ARHGAP10: variants seen among roughly 807,000 people sequenced by gnomAD.
ARHGAP10 encodes the protein rho GTPase-activating protein 10.
In ARHGAP10, 87 loss-of-function variants were observed where a neutral mutation model predicts 108.6. The ratio of observed to expected loss-of-function variants is 0.80; its 90% CI spans 0.67 to 0.96. The LOEUF (loss-of-function observed/expected upper bound fraction) is 0.96, where lower values mean the gene tolerates loss of function less well. Ranked by LOEUF, ARHGAP10 falls within the 40% of genes least tolerant of loss-of-function variation. The probability of loss-of-function intolerance (pLI) is 0.00; values close to 1 mark genes in which losing one functional copy is unlikely to be tolerated. For synonymous variants in ARHGAP10, 347 were observed against 341.1 expected (o/e 1.02, Z -0.19); for missense variants, 939 against 954.5 (o/e 0.98, Z 0.21).
chr4:147,920,740 G>C (rs1236235602), intron 13 of ARHGAP10, among the ~76,000 whole-genome samples: 1 of 152,226 alleles, frequency 6.6e-6, no homozygotes, highest in African/African-American at 2.4e-5. Context: ...CCGATTAAGA[G>C]AATATGAGTG....
chr4:148,040,785 T>G (rs903768390), intron 19 of ARHGAP10, among the ~76,000 whole-genome samples: 3 of 151,112 alleles, frequency 2.0e-5, no homozygotes, highest in Admixed American at 2.0e-4. Flanking sequence ...ATCAGGGAAG[T>G]TATGTATTTT....
chr4:148,023,899 T>C (rs1278878357), intron 19 of ARHGAP10, among the ~76,000 whole-genome samples: 4 of 152,350 alleles, frequency 2.6e-5, no homozygotes, highest in Admixed American at 6.5e-5. Context: ...GGGTGGCAGG[T>C]TGACCTGCCT....
chr4:148,069,122 C>A (rs929003526), intron 22 of ARHGAP10, among the ~76,000 whole-genome samples: 4 of 152,082 alleles, frequency 2.6e-5, no homozygotes, highest in African/African-American at 9.7e-5. Flanking sequence ...AGGAGAGGAG[C>A]CCCAGATGGG....
chr4:147,849,236 C>CA (rs1215594069), intron 4 of ARHGAP10, among the ~76,000 whole-genome samples: 5 of 138,138 alleles, frequency 3.6e-5, no homozygotes, highest in Non-Finnish European at 7.9e-5. Context: ...AAAGACTCTG[C>CA]TTTTTTTTTT....
At chr4:147,946,824 A>C in intron 15 of ARHGAP10, 120 bp downstream of exon 15, 2 of 713,556 alleles carry the variant, frequency 2.8e-6, no homozygotes, top group Non-Finnish European at 4.1e-6. Context: ...AAAAAGGGAA[A>C]ATTTATCAGG....
chr4:147,884,916 C>T (rs115995981), intron 10 of ARHGAP10, among the ~76,000 whole-genome samples: 15 of 152,290 alleles, frequency 9.8e-5, no homozygotes, highest in Non-Finnish European at 2.2e-4. Flanking sequence ...TTTCTCAAAG[C>T]TCATTCTGGC....
At chr4:147,889,398 T>C (rs1197062350) in intron 10 of ARHGAP10, among the ~76,000 whole-genome samples, 3 of 152,124 alleles carry the variant, frequency 2.0e-5, no homozygotes, top group Non-Finnish European at 2.9e-5. Flanking sequence ...CTCCCAGGTT[T>C]GAGTGATTCT....
intron 19 of ARHGAP10, among the ~76,000 whole-genome samples, chr4:148,033,005 C>T (rs987885568): frequency 6.6e-6 from 1 of 152,172 alleles, no homozygotes; most frequent in African/African-American, 2.4e-5. Flanking sequence ...CACCCAGGAA[C>T]AATACTTTGC....
rs57534364 is a variant in ARHGAP10 at position 147,820,580 on chromosome 4, GTTTTTTTTTT to G, written c.155-2126_155-2117del. On this transcript the variant is annotated intron_variant, in intron 1 of 22. Coordinates refer to ENST00000336498, the MANE Select transcript of ARHGAP10 (RefSeq NM_024605.4). The stretch of plus-strand genomic sequence containing the variant: ...TTACAGGCGTGGGCTACCTCGGCCA[GTTTTTTTTTT>G]TTTTTTTTTTTTTTTTTTTTGAGAC... Among the ~76,000 whole-genome samples the G allele has an allele frequency of 1.8e-4, 9 of 49,042 alleles. No individual in the cohort carries two copies. In the East Asian group the frequency reaches 3.5e-3, roughly 19 times the overall value. 32.2% of individuals were successfully genotyped at this position (49,042 alleles called of 152,430 possible). A position where few individuals can be genotyped will look rare whatever the true frequency, so the allele number is the denominator to read the frequency against.
At chr4:147,871,684 T>C (rs1734829529) in intron 7 of ARHGAP10, among the ~76,000 whole-genome samples, 1 of 152,212 alleles carries the variant, frequency 6.6e-6, no homozygotes, top group South Asian at 2.1e-4. Context: ...GGTCTAACAT[T>C]ATTGTAATTA....
At chr4:147,989,742 A>G (rs1226221370) in intron 18 of ARHGAP10, among the ~76,000 whole-genome samples, 1 of 152,150 alleles carries the variant, frequency 6.6e-6, no homozygotes, top group South Asian at 2.1e-4. Flanking sequence ...TCAAACACAC[A>G]TGCTGTACAA....
Position 147,732,277 on chromosome 4 carries a change from G to A in ARHGAP10, c.-25G>A, listed in dbSNP as rs1728242984. On this transcript the variant is annotated 5_prime_UTR_variant, in exon 1 of 23. Transcript: ENST00000336498. Reference sequence around the variant, plus strand: ...CTCGGGCAGGAGCGCGCGGCCGTGCGCACCGCGCAGCGACCGCTGCCGTCA... The same window carrying A: ...CTCGGGCAGGAGCGCGCGGCCGTGCACACCGCGCAGCGACCGCTGCCGTCA... The A allele has an allele frequency of 1.9e-6, 3 of 1,571,290 alleles. No homozygotes were observed. The highest frequency in any genetic ancestry group is 2.4e-5 in the East Asian group (1 of 41,864).
chr4:147,763,251 T>A (rs1729659926), intron 1 of ARHGAP10, among the ~76,000 whole-genome samples: 1 of 152,206 alleles, frequency 6.6e-6, no homozygotes, highest in Non-Finnish European at 1.5e-5. Flanking sequence ...TTATCTGAGA[T>A]GTACTAAAAC....
At chr4:148,067,482 T>C (rs2149693633) in intron 22 of ARHGAP10, among the ~76,000 whole-genome samples, 1 of 152,200 alleles carries the variant, frequency 6.6e-6, no homozygotes. Context: ...CCAGGCAGTG[T>C]TCCAAGTGGC....
At chr4:147,942,507 T>C (rs1188350716) in intron 14 of ARHGAP10, among the ~76,000 whole-genome samples, 2 of 152,224 alleles carry the variant, frequency 1.3e-5, no homozygotes, top group African/African-American at 4.8e-5. Flanking sequence ...CACTTGTCTC[T>C]TTTTTCTGGT....
At chr4:147,953,227 C>T (rs368363296) in intron 15 of ARHGAP10, among the ~76,000 whole-genome samples, 5 of 152,080 alleles carry the variant, frequency 3.3e-5, no homozygotes, top group African/African-American at 9.6e-5. Context: ...GTAGTCTTCT[C>T]ATAATGCCTT....
At position 147,915,399 on chromosome 4, in the gene ARHGAP10, A is replaced by G. The variant is rs1241769842; in HGVS notation, c.1228+2260A>G. Reference sequence around the variant, plus strand: ...TGACACTCATGTTTCTTTTTTTCTGAGTTTCTTAAGTAGAACTTTGTGTCA... The same window carrying G: ...TGACACTCATGTTTCTTTTTTTCTGGGTTTCTTAAGTAGAACTTTGTGTCA... On this transcript the variant is annotated intron_variant, in intron 13 of 22. Coordinates refer to ENST00000336498, the MANE Select transcript of ARHGAP10 (RefSeq NM_024605.4). Among the ~76,000 whole-genome samples the G allele has an allele frequency of 4.6e-5, 7 of 152,202 alleles. No homozygotes were observed. The East Asian group carries it at 1.3e-3, about 29-fold the overall frequency.
At chr4:147,764,485 TA>T (rs113805482) in intron 1 of ARHGAP10, among the ~76,000 whole-genome samples, 115 of 142,122 alleles carry the variant, frequency 8.1e-4, no homozygotes, top group Admixed American at 7.0e-4. Flanking sequence ...GACTTTGAGG[TA>T]AAAAAAAAAA....
intron 15 of ARHGAP10, among the ~76,000 whole-genome samples, chr4:147,947,661 CCAAAGTCCTGGGATTA>C (rs1738439046): frequency 6.6e-6 from 1 of 151,882 alleles, no homozygotes; most frequent in South Asian, 2.1e-4. Context: ...CTTTGGCCTC[CCAAAGTCCTGGGATTA>C]CAGGTGTGAG....
Sources: allele counts gnomAD v4.1 joint callset (sites outside exome capture counted in the v4.1 genomes callset), GRCh38; gene constraint gnomAD v4.1.1; transcripts MANE v1.5; gene names NCBI Gene and HGNC (gene_info 2026-07-23, HGNC 2026-07-21).